CAMK4: variants seen among roughly 807,000 people sequenced by gnomAD.
CAMK4 encodes calcium/calmodulin-dependent protein kinase type IV.
A neutral mutation model predicts 44.9 loss-of-function variants in CAMK4; 22 were observed. The observed-to-expected ratio is 0.49, with a 90% confidence interval of 0.35 to 0.70. CAMK4 has a LOEUF of 0.70. Among genes scored for constraint, CAMK4 ranks in the 30% least tolerant of loss-of-function variants. CAMK4 has a pLI of 0.01. For missense variants in CAMK4, 498 were observed against 586.8 expected, an observed-to-expected ratio of 0.85 and a Z score of 1.56; for synonymous variants, 218 against 215.4, an observed-to-expected ratio of 1.01 and a Z score of -0.11.
intron 7 of CAMK4, among the ~76,000 whole-genome samples, chr5:111,452,397 T>A (rs1754268719): frequency 6.6e-6 from 1 of 152,234 alleles, no homozygotes; most frequent in Admixed American, 6.5e-5. Flanking sequence ...GCAATATTTT[T>A]AAATCAGGTC....
chr5:111,234,959 T>C (rs1361931041), intron 1 of CAMK4, among the ~76,000 whole-genome samples: 1 of 152,206 alleles, frequency 6.6e-6, no homozygotes. Flanking sequence ...GTGGAGAAGA[T>C]AACAGATCTA....
At chr5:111,408,882 A>G (rs1752531213) in intron 5 of CAMK4, among the ~76,000 whole-genome samples, 2 of 152,192 alleles carry the variant, frequency 1.3e-5, no homozygotes, top group South Asian at 4.1e-4. Flanking sequence ...AAGCTCTGAA[A>G]TGATCTCCTT....
chr5:111,448,044 A>G (rs966688567), intron 6 of CAMK4, among the ~76,000 whole-genome samples: 1 of 152,252 alleles, frequency 6.6e-6, no homozygotes, highest in East Asian at 1.9e-4. Context: ...GGCACCTGCC[A>G]GGAAATGTGG....
At chr5:111,310,676 A>T (rs1368992808) in intron 1 of CAMK4, among the ~76,000 whole-genome samples, 1 of 152,182 alleles carries the variant, frequency 6.6e-6, no homozygotes, top group East Asian at 1.9e-4. Context: ...TCCCTGTCCT[A>T]GTGAACACAG....
intron 5 of CAMK4, among the ~76,000 whole-genome samples, chr5:111,420,316 T>C (rs1752977808): frequency 6.6e-6 from 1 of 152,164 alleles, no homozygotes; most frequent in African/African-American, 2.4e-5. Context: ...CTGAAGTTGC[T>C]TATCAGCTTA....
intron 1 of CAMK4, among the ~76,000 whole-genome samples, chr5:111,328,540 C>T (rs1749006149): frequency 6.6e-6 from 1 of 152,034 alleles, no homozygotes; most frequent in Non-Finnish European, 1.5e-5. Flanking sequence ...TTTTCCGAAT[C>T]TGTGAAGAAA....
intron 1 of CAMK4, among the ~76,000 whole-genome samples, chr5:111,232,899 G>A (rs1163391192): frequency 3.3e-5 from 5 of 152,158 alleles, no homozygotes; most frequent in Admixed American, 6.5e-5. Context: ...TTTTAGGCTT[G>A]AAGGCCATTC....
chr5:111,264,018 C>T (rs1449092075), intron 1 of CAMK4, among the ~76,000 whole-genome samples: 2 of 152,188 alleles, frequency 1.3e-5, no homozygotes, highest in Non-Finnish European at 2.9e-5. Flanking sequence ...TTTGAAACTG[C>T]CAAGCTTACT....
intron 2 of CAMK4, among the ~76,000 whole-genome samples, chr5:111,361,932 G>C (rs552678498): frequency 1.6e-4 from 25 of 152,028 alleles, no homozygotes; most frequent in African/African-American, 6.0e-4. Context: ...TCTCTGACTG[G>C]GGTGGAACAT....
chr5:111,439,917 AAAAT>A (rs1481611997), intron 5 of CAMK4, among the ~76,000 whole-genome samples: 3 of 152,196 alleles, frequency 2.0e-5, no homozygotes, highest in African/African-American at 7.2e-5. Flanking sequence ...TGGGTTGAGA[AAAAT>A]GAGTCAGAAC....
At chr5:111,260,758 G>A (rs574266090) in intron 1 of CAMK4, among the ~76,000 whole-genome samples, 12 of 152,170 alleles carry the variant, frequency 7.9e-5, no homozygotes, top group African/African-American at 2.2e-4. Flanking sequence ...AGATTCCTCA[G>A]ATCCTGCACC....
At chr5:111,408,129 A>G (rs1363711960) in intron 5 of CAMK4, among the ~76,000 whole-genome samples, 1 of 152,092 alleles carries the variant, frequency 6.6e-6, no homozygotes, top group African/African-American at 2.4e-5. Flanking sequence ...AGAGAGAGAG[A>G]GAGAGAGAGA....
chr5:111,395,234 A>T (rs1258115535), intron 5 of CAMK4, among the ~76,000 whole-genome samples: 1 of 150,684 alleles, frequency 6.6e-6, no homozygotes, highest in African/African-American at 2.4e-5. Context: ...AAAAGAAAAA[A>T]AAAAAGAAAA....
intron 2 of CAMK4, among the ~76,000 whole-genome samples, chr5:111,372,176 G>A (rs191937822): frequency 6.6e-6 from 1 of 152,286 alleles, no homozygotes; most frequent in African/African-American, 2.4e-5. Context: ...AAGAAACTGA[G>A]AGAGTAATAC....
Position 111,296,897 on chromosome 5 carries a change from C to T in CAMK4, c.162-47127C>T, listed in dbSNP as rs183359210. On this transcript the variant is annotated intron_variant, in intron 1 of 10. Transcript: ENST00000282356. ...CTGTTCTAAATCAATACATTTTAGA[C>T]ACAAATATGGCATGAATCAAGAAAA... Among the ~76,000 whole-genome samples, 1,197 of 152,278 alleles carry T rather than the reference C, an allele frequency of 7.9e-3. 6 individuals carry two copies. The highest frequency in any genetic ancestry group is 0.013 in the Non-Finnish European group (905 of 68,012).
chr5:111,387,462 C>G (rs1370330713), intron 4 of CAMK4, among the ~76,000 whole-genome samples: 1 of 152,162 alleles, frequency 6.6e-6, no homozygotes, highest in South Asian at 2.1e-4. Context: ...CCAGCAATAT[C>G]TAAAACTATG....
At chr5:111,366,841 C>T (rs1233095566) in intron 2 of CAMK4, among the ~76,000 whole-genome samples, 11 of 151,358 alleles carry the variant, frequency 7.3e-5, no homozygotes, top group African/African-American at 2.7e-4. Flanking sequence ...TGTATAATTT[C>T]TTTTATTAAA....
intron 7 of CAMK4, among the ~76,000 whole-genome samples, chr5:111,469,335 G>T (rs1206393199): frequency 1.3e-5 from 2 of 151,468 alleles, no homozygotes; most frequent in Non-Finnish European, 2.9e-5. Flanking sequence ...TATTATGGAT[G>T]GCATAAACAT....
intron 5 of CAMK4, among the ~76,000 whole-genome samples, chr5:111,404,782 C>T (rs1401854824): frequency 6.6e-6 from 1 of 152,134 alleles, no homozygotes; most frequent in African/African-American, 2.4e-5. Context: ...TTTCTGGGGT[C>T]TCCTTGGCCA....
Sources: allele counts gnomAD v4.1 joint callset (sites outside exome capture counted in the v4.1 genomes callset), GRCh38; gene constraint gnomAD v4.1.1; transcripts MANE v1.5; gene names NCBI Gene and HGNC (gene_info 2026-07-23, HGNC 2026-07-21).